Variants in EPHA4 observed in about 807,000 individuals in gnomAD.
The protein encoded by EPHA4 is ephrin type-A receptor 4.
In EPHA4, 19 loss-of-function variants were observed where a neutral mutation model predicts 108.3. That is an observed-to-expected ratio of 0.18 (90% CI 0.12 to 0.26). EPHA4 has a LOEUF of 0.26. Ranked by LOEUF, EPHA4 falls within the 10% of genes least tolerant of loss-of-function variation. EPHA4 has a pLI of 1.00. For missense variants in EPHA4, 917 were observed against 1,254.0 expected (o/e 0.73, Z 4.06); for synonymous variants, 449 against 455.5 (o/e 0.99, Z 0.18).
chr2:221,500,158 T>G (rs1436490765), intron 4 of EPHA4, among the ~76,000 whole-genome samples: 3 of 152,164 alleles, frequency 2.0e-5, no homozygotes, highest in African/African-American at 4.8e-5. Flanking sequence ...GCACTGTTAT[T>G]AACTCCATTC....
At chr2:221,536,762 G>T (rs563496686) in intron 3 of EPHA4, among the ~76,000 whole-genome samples, 134 of 152,310 alleles carry the variant, frequency 8.8e-4, no homozygotes, top group African/African-American at 3.1e-3. Flanking sequence ...GTGAAGGCTT[G>T]GTCAGTGGCC....
chr2:221,487,597 A>G (rs1188716916), intron 4 of EPHA4, among the ~76,000 whole-genome samples: 7 of 152,174 alleles, frequency 4.6e-5, no homozygotes, highest in Non-Finnish European at 1.0e-4. Flanking sequence ...TTTTGCCTTT[A>G]ATTTTAATTT....
intron 14 of EPHA4, among the ~76,000 whole-genome samples, chr2:221,432,830 T>A (rs1690120413): frequency 6.8e-6 from 1 of 146,294 alleles, no homozygotes; most frequent in African/African-American, 2.6e-5. Flanking sequence ...TTTTTTTTTT[T>A]TTTTTTTTTT....
chr2:221,437,014 T>C, intron 12 of EPHA4, 47 bp downstream of exon 12: 1 of 1,437,608 alleles, frequency 7.0e-7, no homozygotes, highest in South Asian at 1.2e-5. Flanking sequence ...TGTTAGGAGT[T>C]TTCTAAATAC....
rs928115721 is a variant in EPHA4 at position 221,452,717 on chromosome 2, T to C, written c.1715+2830A>G. On this transcript the variant is annotated intron_variant, in intron 8 of 17. Coordinates refer to ENST00000281821, the MANE Select transcript of EPHA4 (RefSeq NM_004438.5). ...ATCAGCCTTGGGAAGTGACATTTTTTTTTTAATGGGGGAGAAGGGACAGGA... is the reference window on the plus strand; with the variant it reads ...ATCAGCCTTGGGAAGTGACATTTTTCTTTTAATGGGGGAGAAGGGACAGGA... Among the ~76,000 whole-genome samples the C allele has an allele frequency of 5.3e-5, 8 of 151,654 alleles. 1 individual carries two copies. The South Asian group carries it at 6.3e-4, about 12-fold the overall frequency.
chr2:221,424,020 G>A (rs1409002502), intron 17 of EPHA4, among the ~76,000 whole-genome samples: 1 of 152,010 alleles, frequency 6.6e-6, no homozygotes, highest in Non-Finnish European at 1.5e-5. Flanking sequence ...GGGAGGCTGA[G>A]GCAGAATTGC....
At chr2:221,468,398 G>GCTT (rs1352413790) in intron 5 of EPHA4, among the ~76,000 whole-genome samples, 2 of 152,162 alleles carry the variant, frequency 1.3e-5, no homozygotes, top group Non-Finnish European at 1.5e-5. Context: ...ATGCATCAAG[G>GCTT]CTTCTATTCC....
intron 11 of EPHA4, among the ~76,000 whole-genome samples, chr2:221,440,687 C>T (rs111242899): frequency 2.6e-4 from 39 of 151,376 alleles, no homozygotes; most frequent in African/African-American, 8.5e-4. Flanking sequence ...CCACTGAACA[C>T]GTACGAGGTT....
chr2:221,562,187 CTT>C (rs1214688611), intron 3 of EPHA4, among the ~76,000 whole-genome samples: 1 of 149,206 alleles, frequency 6.7e-6, no homozygotes, highest in African/African-American at 2.5e-5. Context: ...AACTTGTAAA[CTT>C]TTAAATTTAC....
chr2:221,458,621 T>A (rs1212294560), intron 5 of EPHA4, among the ~76,000 whole-genome samples: 2 of 152,334 alleles, frequency 1.3e-5, no homozygotes, highest in East Asian at 3.9e-4. Context: ...GCAGCTATTT[T>A]ACAAGAGCTG....
chr2:221,531,305 A>G (rs1363296696), intron 3 of EPHA4, among the ~76,000 whole-genome samples: 1 of 152,132 alleles, frequency 6.6e-6, no homozygotes, highest in Non-Finnish European at 1.5e-5. Context: ...TGAAATACTG[A>G]TTATATTTTA....
intron 11 of EPHA4, among the ~76,000 whole-genome samples, chr2:221,438,797 TAAAAA>T (rs68004766): frequency 1.3e-5 from 2 of 151,636 alleles, no homozygotes; most frequent in African/African-American, 4.8e-5. Flanking sequence ...AAAATAAAAA[TAAAAA>T]AAATCACACT....
At chr2:221,544,242 A>G (rs1456362318) in intron 3 of EPHA4, among the ~76,000 whole-genome samples, 1 of 152,260 alleles carries the variant, frequency 6.6e-6, no homozygotes, top group African/African-American at 2.4e-5. Context: ...AAACCCACAC[A>G]GGTGTGAACA....
intron 5 of EPHA4, among the ~76,000 whole-genome samples, chr2:221,469,513 G>A (rs1691411963): frequency 6.6e-6 from 1 of 152,088 alleles, no homozygotes. Flanking sequence ...CAGAACCCAT[G>A]AGACAAGTAC....
In EPHA4 at chr2:221,419,075, T is replaced by G. The variant is rs1336774858; in HGVS notation, c.*2297A>C. On this transcript the variant is annotated 3_prime_UTR_variant, in exon 18 of 18. Coordinates refer to ENST00000281821, the MANE Select transcript of EPHA4 (RefSeq NM_004438.5). ...TTTTTTTTCCTCATTTTTCCCTGAT[T>G]TGATGTTATAGCTTATATAAATGGC... 1 of 152,622 alleles carries G rather than the reference T, an allele frequency of 6.6e-6. No homozygotes were observed. The highest frequency in any genetic ancestry group is 2.4e-5 in the African/African-American group (1 of 41,434). 9.5% of individuals were successfully genotyped at this position (152,622 alleles called of 1,614,324 possible). A position where few individuals can be genotyped will look rare whatever the true frequency, so the allele number is the denominator to read the frequency against.
chr2:221,434,261 G>A lies in EPHA4; in HGVS notation c.2377C>T (p.Pro793Ser). The part of the protein sequence containing the change: ...GGKIPIRWTA[P>S]EAIAYRKFTS... ...AATTTACGATAGGCAATTGCTTCTGGCGCAGTCCACCGGATAGGAATCTTG... is the reference window on the plus strand; with the variant it reads ...AATTTACGATAGGCAATTGCTTCTGACGCAGTCCACCGGATAGGAATCTTG... Residue 793 changes from proline (P) to serine (S), a missense_variant, in exon 14 of 18, where the codon CCA becomes TCA. Physicochemically the swap from Pro to Ser is moderately conservative, Grantham distance 74. This residue lies in a region of EPHA4 where 758 missense variants were observed against 1,076.7 expected (regional missense o/e 0.70). Transcript: ENST00000281821. 1 of 1,614,008 alleles carries A rather than the reference G, an allele frequency of 6.2e-7. No individual in the cohort carries two copies. The highest frequency in any genetic ancestry group is 1.6e-4 in the Middle Eastern group (1 of 6,062).
At chr2:221,547,367 A>T (rs1694028091) in intron 3 of EPHA4, among the ~76,000 whole-genome samples, 1 of 152,224 alleles carries the variant, frequency 6.6e-6, no homozygotes, top group Admixed American at 6.5e-5. Flanking sequence ...CATTTGGTTA[A>T]GCTGTCCTCC....
At chr2:221,422,969 C>T (rs1689798286) in intron 17 of EPHA4, among the ~76,000 whole-genome samples, 1 of 152,142 alleles carries the variant, frequency 6.6e-6, no homozygotes, top group African/African-American at 2.4e-5. Flanking sequence ...TACCTCCAAA[C>T]TCTCATAAAT....
chr2:221,567,458 A>G (rs2106212970), intron 2 of EPHA4, among the ~76,000 whole-genome samples: 2 of 152,304 alleles, frequency 1.3e-5, no homozygotes, highest in South Asian at 4.1e-4. Context: ...CAGCCTGTCT[A>G]CACTGCCAGA....
Sources: allele counts gnomAD v4.1 joint callset (sites outside exome capture counted in the v4.1 genomes callset), GRCh38; gene constraint gnomAD v4.1.1; regional missense constraint gnomAD v4.1.1; transcripts MANE v1.5; gene names NCBI Gene and HGNC (gene_info 2026-07-23, HGNC 2026-07-21).